The following SLC25A40 variants were observed in gnomAD, a reference collection of about 807,000 sequenced individuals.
SLC25A40 encodes solute carrier family 25 member 40.
SLC25A40 carries 41 observed loss-of-function variants against 46.5 expected under a neutral mutation model. That is an observed-to-expected ratio of 0.88 (90% CI 0.69 to 1.14). The LOEUF (loss-of-function observed/expected upper bound fraction) is 1.14, where lower values mean the gene tolerates loss of function less well. Ranked by LOEUF, SLC25A40 falls within the 50% of genes most tolerant of loss-of-function variation. The pLI, the probability that SLC25A40 is intolerant of heterozygous loss-of-function variation, is 0.00. For synonymous variants in SLC25A40, 126 were observed against 127.5 expected (o/e 0.99, Z 0.08); for missense variants, 386 against 393.6 (o/e 0.98, Z 0.16).
intron 1 of SLC25A40, among the ~76,000 whole-genome samples, chr7:87,864,651 C>T (rs989365031): frequency 1.3e-5 from 2 of 152,156 alleles, no homozygotes; most frequent in African/African-American, 2.4e-5. Flanking sequence ...GGTTTCCACT[C>T]GCATAAATGA....
At position 87,849,956 on chromosome 7, in the gene SLC25A40, T is replaced by A. The variant is rs1221944404; in HGVS notation, c.265-8A>T. 2 of 1,561,448 alleles carry A rather than the reference T, an allele frequency of 1.3e-6. No individual in the cohort carries two copies. Among genetic ancestry groups the A allele is most frequent in the African/African-American group, 1.4e-5 (1 of 73,036 alleles). On this transcript the variant is annotated splice_region_variant and splice_polypyrimidine_tract_variant and intron_variant, in intron 5 of 11. Coordinates refer to ENST00000341119, the MANE Select transcript of SLC25A40 (RefSeq NM_018843.4). ...GATTTTAAAAAATGCATCCTAAAGT[T>A]ATAATAGAAAAAAAGTAATCAAAAT...
Position 87,836,175 on chromosome 7 carries a change from G to T in SLC25A40, c.*74C>A. The T allele has an allele frequency of 1.2e-6, 1 of 826,872 alleles. No homozygotes were observed. The highest frequency in any genetic ancestry group is 1.9e-6 in the Non-Finnish European group (1 of 517,660). The allele number at this position is 826,872 out of a possible 1,614,324, so 51.2% of individuals were successfully genotyped here. A position where few individuals can be genotyped will look rare whatever the true frequency, so the allele number is the denominator to read the frequency against. ...CATAAAATCATTGTGAGAGAATAAT[G>T]GTGAAAAACATTCTTGCCTAAGAGT... On this transcript the variant is annotated 3_prime_UTR_variant, in exon 12 of 12. Coordinates refer to ENST00000341119, the MANE Select transcript of SLC25A40 (RefSeq NM_018843.4).
At chr7:87,852,492 C>T (rs959383320) in intron 5 of SLC25A40, among the ~76,000 whole-genome samples, 6 of 151,918 alleles carry the variant, frequency 3.9e-5, no homozygotes, top group Admixed American at 1.3e-4. Flanking sequence ...TCTCTTGAGG[C>T]GTACAGATTG....
intron 3 of SLC25A40, among the ~76,000 whole-genome samples, chr7:87,858,374 C>T (rs1334598895): frequency 6.6e-6 from 1 of 152,154 alleles, no homozygotes. Flanking sequence ...CCTGTTCTTA[C>T]ACCCCCTCCC....
intron 4 of SLC25A40, among the ~76,000 whole-genome samples, chr7:87,855,735 A>C (rs1360981814): frequency 6.6e-6 from 1 of 152,222 alleles, no homozygotes; most frequent in African/African-American, 2.4e-5. Flanking sequence ...CAATTTTCTC[A>C]CAGTCCAAAC....
intron 1 of SLC25A40, among the ~76,000 whole-genome samples, chr7:87,864,782 A>G (rs565477186): frequency 5.9e-5 from 9 of 152,258 alleles, no homozygotes; most frequent in Admixed American, 6.5e-5. Context: ...TGTGTCTTTA[A>G]GCTGAGAACT....
At chr7:87,848,001 T>C in intron 6 of SLC25A40, 24 bp from the exon 7 acceptor site, 8 of 1,584,016 alleles carry the variant, frequency 5.1e-6, no homozygotes, top group Non-Finnish European at 6.0e-6. Flanking sequence ...CAAAAAGATT[T>C]GTTCAAAATT....
rs540630342 is a variant in SLC25A40, at chr7:87,860,437, T to C, written c.-25+135A>G. ...TTATCTTATATAATCACAATACAAT[T>C]ATCAAATTCAGGAAACTTAATTTTG... On this transcript the variant is annotated intron_variant, in intron 2 of 11. Coordinates refer to ENST00000341119, the MANE Select transcript of SLC25A40 (RefSeq NM_018843.4). 7 of 152,352 alleles carry C rather than the reference T, an allele frequency of 4.6e-5. No individual in the cohort carries two copies. The South Asian group carries it at 1.4e-3, about 32-fold the overall frequency. The allele number at this position is 152,352 out of a possible 1,614,324, so 9.4% of individuals were successfully genotyped here.
intron 1 of SLC25A40, among the ~76,000 whole-genome samples, chr7:87,867,829 G>A (rs1838827928): frequency 6.6e-6 from 1 of 152,214 alleles, no homozygotes; most frequent in African/African-American, 2.4e-5. Context: ...GCACAGGATT[G>A]TCTCAGCTTT....
At chr7:87,859,441 C>CA (rs1263761483) in intron 2 of SLC25A40, among the ~76,000 whole-genome samples, 5 of 150,122 alleles carry the variant, frequency 3.3e-5, no homozygotes, top group African/African-American at 7.3e-5. Flanking sequence ...GACTCTGTCT[C>CA]AAAAAAAAAT....
chr7:87,845,435 A>G (rs893080921), intron 8 of SLC25A40, among the ~76,000 whole-genome samples: 4 of 152,100 alleles, frequency 2.6e-5, no homozygotes, highest in African/African-American at 7.2e-5. Flanking sequence ...ATAGAACTCT[A>G]TTGTTAACTG....
chr7:87,836,967 ATAGT>A (rs3214147), intron 10 of SLC25A40, 157 bp from the exon 11 acceptor site: 16,005 of 399,240 alleles, frequency 0.04, 490 homozygotes, highest in East Asian at 0.098. Flanking sequence ...TTTATTTTTA[ATAGT>A]TAGATTCATT....
chr7:87,853,663 G>A (rs1460747723), intron 5 of SLC25A40, among the ~76,000 whole-genome samples: 1 of 152,126 alleles, frequency 6.6e-6, no homozygotes, highest in Non-Finnish European at 1.5e-5. Flanking sequence ...ATTATGCTAT[G>A]TAAAAAATGC....
intron 4 of SLC25A40, among the ~76,000 whole-genome samples, chr7:87,855,715 A>C (rs777020338): frequency 2.0e-5 from 3 of 152,190 alleles, no homozygotes; most frequent in Non-Finnish European, 4.4e-5. Flanking sequence ...CAGTGGCTTT[A>C]TATCTGAGCC....
intron 6 of SLC25A40, among the ~76,000 whole-genome samples, chr7:87,849,441 C>G (rs1838473968): frequency 6.6e-6 from 1 of 152,096 alleles, no homozygotes; most frequent in African/African-American, 2.4e-5. Context: ...CACAACTGGC[C>G]TAAAAGACAG....
At chr7:87,870,642 G>A (rs1001860394) in intron 1 of SLC25A40, among the ~76,000 whole-genome samples, 1 of 152,124 alleles carries the variant, frequency 6.6e-6, no homozygotes, top group Non-Finnish European at 1.5e-5. Context: ...AGCCAGCACA[G>A]GGAAGAGAAG....
intron 1 of SLC25A40, among the ~76,000 whole-genome samples, chr7:87,875,011 T>C (rs1386017311): frequency 3.9e-5 from 6 of 152,218 alleles, no homozygotes; most frequent in Non-Finnish European, 7.3e-5. Context: ...TTGTGCTCTC[T>C]GTAGCTTATA....
At chr7:87,871,656 C>T (rs1838897604) in intron 1 of SLC25A40, among the ~76,000 whole-genome samples, 2 of 152,172 alleles carry the variant, frequency 1.3e-5, no homozygotes, top group Admixed American at 6.5e-5. Flanking sequence ...CTGGAATAAA[C>T]CTCCATTTAC....
intron 9 of SLC25A40, among the ~76,000 whole-genome samples, chr7:87,843,283 G>A (rs949225662): frequency 7.9e-5 from 12 of 152,118 alleles, no homozygotes; most frequent in South Asian, 2.1e-4. Context: ...CCCAAAAATG[G>A]TAACAAGATT....
Sources: gnomAD v4.1 joint callset for allele counts (sites outside exome capture counted in the v4.1 genomes callset) on GRCh38, gnomAD v4.1.1 for gene constraint, MANE v1.5 for transcripts, NCBI Gene and HGNC (gene_info 2026-07-23, HGNC 2026-07-21) for gene names.